The following LOC400499 variants were observed in gnomAD, a reference collection of about 807,000 sequenced individuals.
chr16:11,460,361 TG>T, the LOC400499 span: 1 of 1,241,846 alleles, frequency 8.1e-7, no homozygotes, highest in Non-Finnish European at 1.1e-6. Context: ...CATTCCCATA[TG>T]GCTATGTGAT....
the LOC400499 span, among the ~76,000 whole-genome samples, chr16:11,514,024 T>C: frequency 1.3e-5 from 2 of 152,164 alleles, no homozygotes; most frequent in African/African-American, 2.4e-5. Flanking sequence ...AGGAACTTTC[T>C]GGAAAATCAG....
At chr16:11,449,487 G>C in the LOC400499 span, among the ~76,000 whole-genome samples, 3 of 152,120 alleles carry the variant, frequency 2.0e-5, no homozygotes, top group African/African-American at 7.2e-5. Flanking sequence ...GGGAGTCCTA[G>C]GAAGAGGTGG....
At chr16:11,435,528 T>C in the LOC400499 span, 2 of 397,614 alleles carry the variant, frequency 5.0e-6, no homozygotes, top group Non-Finnish European at 8.9e-6. Context: ...GTGGCACCAA[T>C]GGGGCTGACT....
the LOC400499 span, among the ~76,000 whole-genome samples, chr16:11,489,126 A>T: frequency 1.3e-5 from 2 of 152,200 alleles, no homozygotes; most frequent in Admixed American, 1.3e-4. Flanking sequence ...GGTGTCATGG[A>T]CTCAAAAGTC....
chr16:11,377,098 C>T, the LOC400499 span, among the ~76,000 whole-genome samples: 1 of 152,152 alleles, frequency 6.6e-6, no homozygotes, highest in Non-Finnish European at 1.5e-5. Flanking sequence ...AGACTATAGG[C>T]GTGCACAACC....
At chr16:11,374,490 C>T in the LOC400499 span, among the ~76,000 whole-genome samples, 2 of 152,198 alleles carry the variant, frequency 1.3e-5, no homozygotes, top group Non-Finnish European at 2.9e-5. Context: ...CCCATTACTG[C>T]TCTCTCCCAG....
chr16:11,466,984 G>C, the LOC400499 span, among the ~76,000 whole-genome samples: 2 of 151,844 alleles, frequency 1.3e-5, no homozygotes, highest in African/African-American at 4.8e-5. Flanking sequence ...ACGCAGTCTT[G>C]CTCTGCTACC....
the LOC400499 span, among the ~76,000 whole-genome samples, chr16:11,416,169 C>G: frequency 6.6e-6 from 1 of 151,916 alleles, no homozygotes; most frequent in Non-Finnish European, 1.5e-5. Flanking sequence ...AGGCTAGTCT[C>G]GAACTCCTGA....
the LOC400499 span, chr16:11,385,502 A>G: frequency 2.1e-6 from 2 of 965,106 alleles, no homozygotes; most frequent in Non-Finnish European, 2.7e-6. Context: ...GGTGCCCCGG[A>G]TGCCTAGAGC....
At chr16:11,501,946 T>C in the LOC400499 span, 2 of 394,498 alleles carry the variant, frequency 5.1e-6, no homozygotes, top group Non-Finnish European at 8.9e-6. Context: ...GACAAGTCAG[T>C]GTCAAGGGGA....
At chr16:11,396,264 G>A in the LOC400499 span, 1 of 355,494 alleles carries the variant, frequency 2.8e-6, no homozygotes, top group Non-Finnish European at 5.0e-6. Context: ...TTATAGGAAG[G>A]GCCGGGTGTT....
At chr16:11,402,133 G>A in the LOC400499 span, 7 of 399,016 alleles carry the variant, frequency 1.8e-5, no homozygotes, top group Non-Finnish European at 3.1e-5. Flanking sequence ...GCGGCAGGGG[G>A]AGGGGCAGCG....
the LOC400499 span, among the ~76,000 whole-genome samples, chr16:11,420,032 G>A: frequency 2.5e-4 from 38 of 150,258 alleles, no homozygotes; most frequent in Non-Finnish European, 4.7e-4. Flanking sequence ...GGAAGTCAGT[G>A]TGGCGATTCC....
the LOC400499 span, among the ~76,000 whole-genome samples, chr16:11,525,234 G>A: frequency 4.7e-5 from 7 of 150,156 alleles, no homozygotes; most frequent in African/African-American, 9.8e-5. Context: ...AGCCGAGATC[G>A]CACCACTGCC....
chr16:11,452,214 T>G, the LOC400499 span, among the ~76,000 whole-genome samples: 3 of 151,514 alleles, frequency 2.0e-5, no homozygotes, highest in Admixed American at 2.0e-4. Context: ...TGTTTTTTTT[T>G]TTTTTTTGCT....
the LOC400499 span, chr16:11,484,767 G>A: frequency 2.5e-6 from 1 of 397,804 alleles, no homozygotes. Flanking sequence ...ATTCTGCAAG[G>A]AGGAGGCAGA....
At chr16:11,515,863 C>G in the LOC400499 span, 1 of 206,558 alleles carries the variant, frequency 4.8e-6, no homozygotes, top group African/African-American at 9.3e-5. Context: ...CCAGCCCAGC[C>G]CAGCCCAGCC....
At chr16:11,458,029 CCT>C in the LOC400499 span, among the ~76,000 whole-genome samples, 6 of 152,078 alleles carry the variant, frequency 3.9e-5, no homozygotes, top group East Asian at 1.9e-4. Flanking sequence ...TGGTAAAACC[CCT>C]GTCTCTACGA....
the LOC400499 span, among the ~76,000 whole-genome samples, chr16:11,375,382 C>T: frequency 7.4e-5 from 10 of 135,128 alleles, 1 homozygote; most frequent in African/African-American, 3.0e-4. Context: ...GGCGGGACCT[C>T]AGCTCACTGC....
Sources: gnomAD v4.1 joint callset for allele counts (sites outside exome capture counted in the v4.1 genomes callset) on GRCh38, gnomAD v4.1.1 for gene constraint, MANE v1.5 for transcripts.